The following DRC11 variants were observed in gnomAD, a reference collection of about 807,000 sequenced individuals.
DRC11 encodes dynein regulatory complex subunit 11.
chr2:236,436,318 T>C, the DRC11 span, among the ~76,000 whole-genome samples: 1 of 152,166 alleles, frequency 6.6e-6, no homozygotes, highest in African/African-American at 2.4e-5. Context: ...ACCTTGAACT[T>C]CATTTGTGAT....
the DRC11 span, among the ~76,000 whole-genome samples, chr2:236,356,584 CTGAG>C: frequency 1.3e-5 from 2 of 152,154 alleles, no homozygotes; most frequent in African/African-American, 4.8e-5. Context: ...ATTCAGCACT[CTGAG>C]TGTCACTTTT....
At chr2:236,447,420 G>A in the DRC11 span, among the ~76,000 whole-genome samples, 1 of 151,680 alleles carries the variant, frequency 6.6e-6, no homozygotes, top group Non-Finnish European at 1.5e-5. This position sits in a 1 kb window ranked among gnomAD's most constrained non-coding sequence, Gnocchi z 4.6. Context: ...GGTCCCTGGT[G>A]CCAGAAAGGT....
chr2:236,418,144 C>T, the DRC11 span, among the ~76,000 whole-genome samples: 2 of 152,146 alleles, frequency 1.3e-5, no homozygotes, highest in African/African-American at 4.8e-5. Flanking sequence ...CTTGAGGAAT[C>T]GCCACACTGT....
chr2:236,383,299 CTCTGT>C, the DRC11 span, among the ~76,000 whole-genome samples: 1 of 152,094 alleles, frequency 6.6e-6, no homozygotes, highest in Non-Finnish European at 1.5e-5. Flanking sequence ...TTGTAATTTC[CTCTGT>C]TCTATTTCTG....
At chr2:236,459,652 T>TAC in the DRC11 span, among the ~76,000 whole-genome samples, 171 of 103,706 alleles carry the variant, frequency 1.6e-3, no homozygotes, top group South Asian at 3.8e-3. Context: ...TACGTATATA[T>TAC]GTATATACAT....
At chr2:236,355,182 C>T in the DRC11 span, among the ~76,000 whole-genome samples, 5,643 of 152,264 alleles carry the variant, frequency 0.037, 334 homozygotes, top group African/African-American at 0.13. Flanking sequence ...GCCGTACAGA[C>T]GCCGGCATCC....
the DRC11 span, among the ~76,000 whole-genome samples, chr2:236,358,016 T>C: frequency 9.1e-6 from 1 of 110,036 alleles, no homozygotes; most frequent in Non-Finnish European, 1.7e-5. Flanking sequence ...TTATAATATA[T>C]AGATATAATA....
the DRC11 span, among the ~76,000 whole-genome samples, chr2:236,494,893 G>A: frequency 1.4e-4 from 22 of 152,112 alleles, no homozygotes; most frequent in Non-Finnish European, 3.1e-4. The surrounding 1 kb of genome is among the most constrained non-coding windows in gnomAD (Gnocchi z 4.2). Flanking sequence ...GGGTGGGTGT[G>A]GCCTGAGGAG....
the DRC11 span, among the ~76,000 whole-genome samples, chr2:236,482,839 C>G: frequency 6.6e-6 from 1 of 152,150 alleles, no homozygotes. This position sits in a 1 kb window ranked among gnomAD's most constrained non-coding sequence, Gnocchi z 4.5. Flanking sequence ...ATGATTTATA[C>G]AGAACCATTT....
At chr2:236,337,982 T>C in the DRC11 span, among the ~76,000 whole-genome samples, 1 of 152,216 alleles carries the variant, frequency 6.6e-6, no homozygotes, top group African/African-American at 2.4e-5. The surrounding 1 kb of genome is among the most constrained non-coding windows in gnomAD (Gnocchi z 4.9). Context: ...CAGTTTCCTT[T>C]TGTCTTGGGT....
chr2:236,496,041 T>C, the DRC11 span, among the ~76,000 whole-genome samples: 1 of 152,210 alleles, frequency 6.6e-6, no homozygotes, highest in South Asian at 2.1e-4. This position sits in a 1 kb window ranked among gnomAD's most constrained non-coding sequence, Gnocchi z 6.3. Context: ...TTCTTGAAAT[T>C]CAACTAATAA....
the DRC11 span, chr2:236,391,953 C>G: frequency 1.2e-5 from 19 of 1,605,098 alleles, no homozygotes; most frequent in South Asian, 3.3e-5. The surrounding 1 kb of genome is among the most constrained non-coding windows in gnomAD (Gnocchi z 4.5). Context: ...CCGCACCCCT[C>G]TGCAGGCTCC....
chr2:236,333,251 T>C, the DRC11 span: 1 of 150,768 alleles, frequency 6.6e-6, no homozygotes, highest in Non-Finnish European at 1.5e-5. This position sits in a 1 kb window ranked among gnomAD's most constrained non-coding sequence, Gnocchi z 6.0. Context: ...AAACATCAAT[T>C]ACAAAAGACA....
At chr2:236,307,325 C>T in the DRC11 span, among the ~76,000 whole-genome samples, 52 of 152,210 alleles carry the variant, frequency 3.4e-4, no homozygotes, top group African/African-American at 1.1e-3. The surrounding 1 kb of genome is among the most constrained non-coding windows in gnomAD (Gnocchi z 7.0). Flanking sequence ...CTTAGAGGCC[C>T]GCGGGAAGGG....
At chr2:236,354,179 A>ATC in the DRC11 span, among the ~76,000 whole-genome samples, 1 of 151,512 alleles carries the variant, frequency 6.6e-6, no homozygotes. Flanking sequence ...ACATGCGTGT[A>ATC]TGTCTGTGGT....
chr2:236,325,083 G>C, the DRC11 span, among the ~76,000 whole-genome samples: 3 of 152,132 alleles, frequency 2.0e-5, no homozygotes, highest in Non-Finnish European at 2.9e-5. This position sits in a 1 kb window ranked among gnomAD's most constrained non-coding sequence, Gnocchi z 4.4. Flanking sequence ...TGTTTTTCCG[G>C]GGTTGGGTTT....
chr2:236,352,799 C>T, the DRC11 span, among the ~76,000 whole-genome samples: 2 of 152,068 alleles, frequency 1.3e-5, no homozygotes, highest in African/African-American at 4.8e-5. The surrounding 1 kb of genome is among the most constrained non-coding windows in gnomAD (Gnocchi z 7.0). Context: ...CTAATTAATC[C>T]CCTGGTTTTG....
the DRC11 span, among the ~76,000 whole-genome samples, chr2:236,328,999 A>C: frequency 2.6e-5 from 4 of 152,234 alleles, no homozygotes; most frequent in South Asian, 2.1e-4. The surrounding 1 kb of genome is among the most constrained non-coding windows in gnomAD (Gnocchi z 6.7). Context: ...CCAGGTGAGA[A>C]TCTTTCCCTT....
At chr2:236,386,057 G>A in the DRC11 span, among the ~76,000 whole-genome samples, 3 of 148,790 alleles carry the variant, frequency 2.0e-5, no homozygotes, top group African/African-American at 7.4e-5. Flanking sequence ...TGCTGGATTC[G>A]TTTTGCCAGT....
Sources: allele counts gnomAD v4.1 joint callset (sites outside exome capture counted in the v4.1 genomes callset), GRCh38; gene constraint gnomAD v4.1.1; non-coding constraint Gnocchi (gnomAD v3.1); transcripts MANE v1.5; gene names NCBI Gene and HGNC (gene_info 2026-07-23, HGNC 2026-07-21).